MARCHF1: variants seen among roughly 807,000 people sequenced by gnomAD.
MARCHF1 encodes E3 ubiquitin-protein ligase MARCHF1.
Under a neutral mutation model 54.2 loss-of-function variants are expected in MARCHF1, and 40 were observed. That is an observed-to-expected ratio of 0.74 (90% confidence interval 0.57 to 0.96). MARCHF1 has a LOEUF of 0.96. Ranked by LOEUF, MARCHF1 falls within the 40% of genes least tolerant of loss-of-function variation. The pLI is 0.00. For synonymous variants in MARCHF1, 236 were observed against 236.3 expected (o/e 1.00, Z 0.01); for missense variants, 586 against 656.5 (o/e 0.89, Z 1.17).
At chr4:164,108,155 A>C (rs559810132) in intron 2 of MARCHF1, among the ~76,000 whole-genome samples, 1 of 152,232 alleles carries the variant, frequency 6.6e-6, no homozygotes, top group Non-Finnish European at 1.5e-5. Context: ...CTAACATGGA[A>C]TCAAGACCTT....
intron 2 of MARCHF1, among the ~76,000 whole-genome samples, chr4:163,994,762 C>CAA (rs1164888976): frequency 1.3e-3 from 151 of 119,266 alleles, no homozygotes; most frequent in African/African-American, 4.1e-3. Flanking sequence ...CACACACACA[C>CAA]ACACACACAC....
chr4:163,536,820 T>A (rs1203857104), intron 9 of MARCHF1, among the ~76,000 whole-genome samples: 1 of 152,056 alleles, frequency 6.6e-6, no homozygotes, highest in African/African-American at 2.4e-5. Flanking sequence ...CCCTCCACTT[T>A]CCTTCACAAG....
intron 4 of MARCHF1, among the ~76,000 whole-genome samples, chr4:163,756,960 T>C (rs146694652): frequency 1.3e-5 from 2 of 152,308 alleles, no homozygotes; most frequent in African/African-American, 4.8e-5. Context: ...CAGAAACTAA[T>C]TGGCCATACA....
At chr4:163,602,553 T>G (rs1741006571) in intron 7 of MARCHF1, among the ~76,000 whole-genome samples, 1 of 152,142 alleles carries the variant, frequency 6.6e-6, no homozygotes, top group African/African-American at 2.4e-5. Flanking sequence ...AGTTTACACC[T>G]ATATTTCCTA....
chr4:164,356,625 A>AG (rs1298103759), intron 1 of MARCHF1, among the ~76,000 whole-genome samples: 2 of 119,676 alleles, frequency 1.7e-5, no homozygotes, highest in Non-Finnish European at 3.5e-5. Flanking sequence ...GGGTGGGGGG[A>AG]GTGGGGAGGG....
At chr4:163,613,697 C>T (rs1741426334) in intron 5 of MARCHF1, 1 of 731,682 alleles carries the variant, frequency 1.4e-6, no homozygotes, top group East Asian at 1.3e-4. Flanking sequence ...GCTCAATTTG[C>T]TTTGGAAACA....
intron 2 of MARCHF1, among the ~76,000 whole-genome samples, chr4:164,093,286 T>C (rs1162747697): frequency 2.6e-5 from 4 of 152,068 alleles, no homozygotes; most frequent in African/African-American, 7.2e-5. Flanking sequence ...TGAAATTAAT[T>C]TGGGGACTGA....
chr4:163,647,735 A>C (rs1277776175), intron 5 of MARCHF1, among the ~76,000 whole-genome samples: 2 of 151,896 alleles, frequency 1.3e-5, no homozygotes, highest in African/African-American at 4.8e-5. Context: ...ACAACATACA[A>C]AAAACTATAG....
rs962116474 is a variant in MARCHF1 at position 164,168,038 on chromosome 4, T to C, written c.-322-56376A>G. On this transcript the variant is annotated intron_variant, in intron 1 of 9. Coordinates refer to ENST00000514618, the MANE Select transcript of MARCHF1 (RefSeq NM_001394959.1). ...ACAAACATCTGGTAAGGGGTTAATA[T>C]TTAAAATTTATAAAGTACTTTTACA... 2.6e-5 allele frequency among the ~76,000 whole-genome samples: 4 copies of C among 151,996 alleles called. No individual in the cohort carries two copies. In the South Asian group the frequency reaches 8.3e-4, roughly 32 times the overall value.
At chr4:163,867,163 T>C (rs1750070642) in intron 3 of MARCHF1, among the ~76,000 whole-genome samples, 1 of 151,922 alleles carries the variant, frequency 6.6e-6, no homozygotes, top group Non-Finnish European at 1.5e-5. Context: ...GTAAACCATC[T>C]AGGGACTCGC....
chr4:164,168,663 TACACACACAC>T (rs3059785), intron 1 of MARCHF1, among the ~76,000 whole-genome samples: 1 of 147,066 alleles, frequency 6.8e-6, no homozygotes, highest in Non-Finnish European at 1.5e-5. Flanking sequence ...TTATGTGGAA[TACACACACAC>T]ACACACACAC....
At chr4:163,877,410 T>C (rs1301464892) in intron 3 of MARCHF1, among the ~76,000 whole-genome samples, 1 of 151,642 alleles carries the variant, frequency 6.6e-6, no homozygotes, top group East Asian at 1.9e-4. Context: ...ACTGCCTCGG[T>C]CCCACCCTTG....
chr4:163,766,521 C>T (rs954908228), intron 4 of MARCHF1, among the ~76,000 whole-genome samples: 30 of 152,144 alleles, frequency 2.0e-4, no homozygotes, highest in African/African-American at 7.2e-4. Flanking sequence ...TATATTTGCA[C>T]AGACTCTGTT....
intron 8 of MARCHF1, among the ~76,000 whole-genome samples, chr4:163,555,306 C>T (rs971874564): frequency 1.6e-4 from 24 of 152,074 alleles, no homozygotes; most frequent in Admixed American, 1.3e-4. Flanking sequence ...TGAACTTTGA[C>T]AATTACTTCC....
chr4:163,742,358 C>G (rs1746223036), intron 4 of MARCHF1, among the ~76,000 whole-genome samples: 1 of 140,812 alleles, frequency 7.1e-6, no homozygotes, highest in Admixed American at 7.3e-5. Flanking sequence ...CTCCCTCCCT[C>G]CCTCCCTCTC....
intron 2 of MARCHF1, among the ~76,000 whole-genome samples, chr4:163,998,938 A>C (rs1753132603): frequency 6.6e-6 from 1 of 151,782 alleles, no homozygotes; most frequent in African/African-American, 2.4e-5. Context: ...TCTCTTAGAC[A>C]TAGTGATTTC....
At chr4:163,926,937 C>T (rs1334357447) in intron 3 of MARCHF1, among the ~76,000 whole-genome samples, 2 of 151,436 alleles carry the variant, frequency 1.3e-5, no homozygotes, top group East Asian at 1.9e-4. Context: ...TGTCATAGAA[C>T]AGCTAAATAT....
chr4:163,637,308 C>A (rs1283680427), intron 5 of MARCHF1, among the ~76,000 whole-genome samples: 1 of 152,000 alleles, frequency 6.6e-6, no homozygotes, highest in African/African-American at 2.4e-5. Flanking sequence ...AGTGAACAGG[C>A]AAGCTACAAA....
Position 163,719,775 on chromosome 4 carries a change from T to C in MARCHF1, c.112-18912A>G, listed in dbSNP as rs192158244. The stretch of plus-strand genomic sequence containing the variant: ...GTGGTTTTGATTTACATTTCTCTGA[T>C]GGCCAGTGATGATGAGCATTTTTTC... On this transcript the variant is annotated intron_variant, in intron 4 of 9. Transcript: ENST00000514618. 2.0e-3 allele frequency among the ~76,000 whole-genome samples: 310 copies of C among 152,316 alleles called. 1 individual carries two copies. Among genetic ancestry groups the C allele is most frequent in the African/African-American group, 7.2e-3 (300 of 41,548 alleles).
Sources: allele counts gnomAD v4.1 joint callset (sites outside exome capture counted in the v4.1 genomes callset), GRCh38; gene constraint gnomAD v4.1.1; transcripts MANE v1.5; gene names NCBI Gene and HGNC (gene_info 2026-07-23, HGNC 2026-07-21).